PLD5: variants seen among roughly 807,000 people sequenced by gnomAD.
PLD5 encodes inactive phospholipase D5.
Under a neutral mutation model 61.1 loss-of-function variants are expected in PLD5, and 36 were observed. That is an observed-to-expected ratio of 0.59 (90% CI 0.45 to 0.78). The LOEUF is 0.78. Ranked by LOEUF, PLD5 falls within the 30% of genes least tolerant of loss-of-function variation. The pLI is 0.00. For missense variants in PLD5, 515 were observed against 644.4 expected (o/e 0.80, Z 2.17); for synonymous variants, 243 against 242.8 (o/e 1.00, Z -0.01).
chr1:242,264,356 T>C (rs986098219), intron 4 of PLD5, among the ~76,000 whole-genome samples: 2 of 152,166 alleles, frequency 1.3e-5, no homozygotes, highest in African/African-American at 2.4e-5. Flanking sequence ...ATGTGCATGG[T>C]GGTAGGTACA....
chr1:242,525,001 A>T (rs1455007891), upstream of PLD5, among the ~76,000 whole-genome samples: 1 of 152,120 alleles, frequency 6.6e-6, no homozygotes, highest in East Asian at 1.9e-4. Context: ...GGAGGGAGAC[A>T]CTCAGGAAAC....
intron 5 of PLD5, among the ~76,000 whole-genome samples, chr1:242,130,412 C>T (rs1032966305): frequency 6.6e-6 from 1 of 152,194 alleles, no homozygotes. Flanking sequence ...GATAAACATA[C>T]AAAGGCACCT....
intron 4 of PLD5, among the ~76,000 whole-genome samples, chr1:242,239,354 G>A (rs1671846082): frequency 6.6e-6 from 1 of 152,066 alleles, no homozygotes; most frequent in Non-Finnish European, 1.5e-5. Flanking sequence ...GAAAGCTTAT[G>A]TTGTATTGAC....
intron 1 of PLD5, among the ~76,000 whole-genome samples, chr1:242,406,923 T>C (rs1341846359): frequency 6.6e-6 from 1 of 152,196 alleles, no homozygotes; most frequent in Non-Finnish European, 1.5e-5. Context: ...GTTAGGTTTT[T>C]GGTTCTGTAG....
chr1:242,124,665 T>A lies in PLD5; in HGVS notation c.736A>T (p.Met246Leu), dbSNP rs1662647176. ...AGLDWQSLGQ[M>L]KELGVIFYNC... ...TAGAAGATGACACCGAGTTCTTTCA[T>A]CTGTGAAATTAAAATTGAAAGCATC... is the stretch of plus-strand genomic sequence containing the variant. Residue 246 changes from methionine (M) to leucine (L), a missense_variant and splice_region_variant, in exon 6 of 10, where the codon ATG becomes TTG. Physicochemically the swap from Met to Leu is conservative, Grantham distance 15 (BLOSUM62 2). Transcript: ENST00000536534. The A allele has an allele frequency of 6.2e-7, 1 of 1,610,908 alleles. No homozygotes were observed. The highest frequency in any genetic ancestry group is 8.5e-7 in the Non-Finnish European group (1 of 1,178,296).
intron 5 of PLD5, among the ~76,000 whole-genome samples, chr1:242,146,435 A>G (rs74150806): frequency 0.013 from 1,947 of 152,318 alleles, 42 homozygotes; most frequent in African/African-American, 0.044. Flanking sequence ...ACAAATACAG[A>G]TAATGTAATA....
In PLD5 at chr1:242,341,960, C is replaced by T. The variant is rs115909544; in HGVS notation, c.326+6146G>A. On this transcript the variant is annotated intron_variant, in intron 2 of 9. Coordinates refer to ENST00000536534, the MANE Select transcript of PLD5 (RefSeq NM_001372062.1). ...GGGGCTGATTCAGGAAGATGAGAGG[C>T]AAGTGTGAGGAGGTCTTGAACAGAG... Among the ~76,000 whole-genome samples the T allele has an allele frequency of 1.3e-3, 193 of 151,386 alleles. 1 individual carries two copies. Among genetic ancestry groups the T allele is most frequent in the African/African-American group, 4.4e-3 (183 of 41,234 alleles).
chr1:242,253,115 C>CTTTTTTTTT lies in PLD5; in HGVS notation c.607+12213_607+12221dup, dbSNP rs35097685. On this transcript the variant is annotated intron_variant, in intron 4 of 9. Transcript: ENST00000536534. The stretch of plus-strand genomic sequence containing the variant: ...CAGGCGTGAGCCACCGTGTATGGCC[C>CTTTTTTTTT]TTTTTTTTTTTTTTTTTTTTTTGAG... 4.8e-4 allele frequency among the ~76,000 whole-genome samples: 35 copies of CTTTTTTTTT among 73,196 alleles called. 3 individuals carry two copies. Among genetic ancestry groups the CTTTTTTTTT allele is most frequent in the African/African-American group, 1.6e-3 (33 of 20,930 alleles). 48.0% of individuals were successfully genotyped at this position (73,196 alleles called of 152,430 possible).
chr1:242,500,986 A>AT (rs10676683), intron 1 of PLD5, among the ~76,000 whole-genome samples: 11,099 of 151,980 alleles, frequency 0.073, 986 homozygotes, highest in African/African-American at 0.21. Context: ...AAGTCAACTC[A>AT]TTTTTTTTAA....
At chr1:242,525,379 C>T (rs561676837), upstream of PLD5, among the ~76,000 whole-genome samples, 9 of 152,326 alleles carry the variant, frequency 5.9e-5, no homozygotes, top group Admixed American at 3.9e-4. Flanking sequence ...TCCGCTTGTG[C>T]GGTGACTGTT....
intron 4 of PLD5, among the ~76,000 whole-genome samples, chr1:242,246,478 A>AACACACACACACACACACACACACACAC (rs34723926): frequency 2.8e-5 from 4 of 141,106 alleles, no homozygotes; most frequent in Non-Finnish European, 3.1e-5. Flanking sequence ...TAGAAAAGAC[A>AACACACACACACACACACACACACACAC]ACACACACAC....
chr1:242,155,601 T>C (rs1665298478), intron 5 of PLD5, among the ~76,000 whole-genome samples: 1 of 152,206 alleles, frequency 6.6e-6, no homozygotes. Context: ...CTTCATTTCA[T>C]TATTTACCCA....
Position 242,348,210 on chromosome 1 carries a change from C to T in PLD5, c.222G>A (p.Leu74=). ...CAACCAGAATGGCAAAGCAGCACACCAGGGCAAAGATCACGATGCACTTCT... is the reference window on the plus strand; with the variant it reads ...CAACCAGAATGGCAAAGCAGCACACTAGGGCAAAGATCACGATGCACTTCT... ...SQQKCIVIFA[L]VCCFAILVAL... is the part of the protein sequence containing the mutation. Residue 74 remains leucine (L), a synonymous_variant, in exon 2 of 10, where the codon CTG becomes CTA. Transcript: ENST00000536534. 1.9e-6 allele frequency: 3 copies of T among 1,612,390 alleles called. No individual in the cohort carries two copies. Among genetic ancestry groups the T allele is most frequent in the Non-Finnish European group, 2.5e-6 (3 of 1,179,636 alleles).
intron 3 of PLD5, among the ~76,000 whole-genome samples, chr1:242,273,257 C>T (rs1315464254): frequency 6.6e-6 from 1 of 151,880 alleles, no homozygotes; most frequent in Non-Finnish European, 1.5e-5. Flanking sequence ...GACATGAACT[C>T]ATTCTTTTTT....
chr1:242,373,638 G>A (rs6695888), intron 1 of PLD5, among the ~76,000 whole-genome samples: 138,140 of 152,154 alleles, frequency 0.91, 62,961 homozygotes, highest in South Asian at 0.95. Flanking sequence ...GGATGAGTTC[G>A]TGTCCTTTGT....
chr1:242,312,976 T>A (rs959864354), intron 2 of PLD5, among the ~76,000 whole-genome samples: 10 of 152,220 alleles, frequency 6.6e-5, no homozygotes, highest in African/African-American at 2.4e-4. Context: ...AACTTCCTAG[T>A]CTGCCATCTT....
intron 5 of PLD5, among the ~76,000 whole-genome samples, chr1:242,126,568 C>T (rs1323653984): frequency 2.0e-5 from 3 of 152,140 alleles, no homozygotes; most frequent in Non-Finnish European, 4.4e-5. Context: ...GGAAAGGACA[C>T]GCTATTCAAC....
intron 1 of PLD5, among the ~76,000 whole-genome samples, chr1:242,464,293 C>T (rs996278900): frequency 6.6e-6 from 1 of 152,134 alleles, no homozygotes; most frequent in African/African-American, 2.4e-5. Context: ...TATTATATTT[C>T]AGCCCAAATC....
chr1:242,317,724 C>T (rs1658109111), intron 2 of PLD5, among the ~76,000 whole-genome samples: 1 of 106,940 alleles, frequency 9.4e-6, no homozygotes, highest in South Asian at 3.2e-4. Context: ...CTAAGAATCT[C>T]ATTTCAAAGG....
Sources: gnomAD v4.1 joint callset for allele counts (sites outside exome capture counted in the v4.1 genomes callset) on GRCh38, gnomAD v4.1.1 for gene constraint, MANE v1.5 for transcripts, NCBI Gene and HGNC (gene_info 2026-07-23, HGNC 2026-07-21) for gene names.